VPS45: variants seen among roughly 807,000 people sequenced by gnomAD.
VPS45 encodes the protein vacuolar protein sorting-associated protein 45.
VPS45 carries 35 observed loss-of-function variants against 75.9 expected under a neutral mutation model. The observed-to-expected ratio is 0.46, with a 90% CI of 0.35 to 0.61. The LOEUF (loss-of-function observed/expected upper bound fraction) is 0.61. VPS45 is among the 20% of genes least tolerant of loss of function. The pLI is 0.00. For missense variants in VPS45, 559 were observed against 685.9 expected, an observed-to-expected ratio of 0.81 and a Z score of 2.07; for synonymous variants, 220 against 238.2, an observed-to-expected ratio of 0.92 and a Z score of 0.70.
chr1:150,088,480 TTC>T (rs1269237928), intron 10 of VPS45, among the ~76,000 whole-genome samples: 359 of 23,610 alleles, frequency 0.015, 73 homozygotes, highest in East Asian at 0.1. Flanking sequence ...TTTCCCTTTT[TTC>T]TTTTTTTTTT....
intron 13 of VPS45, among the ~76,000 whole-genome samples, chr1:150,100,445 C>T (rs937603087): frequency 6.6e-6 from 1 of 152,194 alleles, no homozygotes; most frequent in Non-Finnish European, 1.5e-5. Context: ...TCCTATCTAA[C>T]TACCAATGAC....
rs587737127 is a variant in VPS45, at chr1:150,077,623, A to G, written c.577-46A>G. Reference sequence around the variant, plus strand: ...AATTTCCTATTTATATCATTTCTATATGTAACTAGATGGTTGCACAAACCA... The same window carrying G: ...AATTTCCTATTTATATCATTTCTATGTGTAACTAGATGGTTGCACAAACCA... On this transcript the variant is annotated intron_variant, in intron 6 of 14. Coordinates refer to ENST00000644510, the MANE Select transcript of VPS45 (RefSeq NM_007259.5). The G allele has an allele frequency of 6.4e-5, 82 of 1,279,642 alleles. No individual in the cohort carries two copies. In the South Asian group the frequency reaches 9.2e-4, roughly 14 times the overall value. The allele number at this position is 1,279,642 out of a possible 1,614,324, so 79.3% of individuals were successfully genotyped here. A position where few individuals can be genotyped will look rare whatever the true frequency, so the allele number is the denominator to read the frequency against.
chr1:150,077,905 T>C, intron 7 of VPS45, 126 bp downstream of exon 7: 5 of 766,494 alleles, frequency 6.5e-6, no homozygotes, highest in Non-Finnish European at 1.1e-5. Context: ...TTGGTTTTGC[T>C]TTGTATTTCC....
chr1:150,139,380 A>C (rs1353969154), intron 14 of VPS45, among the ~76,000 whole-genome samples: 1 of 151,980 alleles, frequency 6.6e-6, no homozygotes, highest in African/African-American at 2.4e-5. Context: ...ATCCCTTTGC[A>C]CTTGCTCTTT....
At chr1:150,081,742 C>T (rs1553799432) in intron 8 of VPS45, 142 bp from the exon 9 acceptor site, 1 of 650,988 alleles carries the variant, frequency 1.5e-6, no homozygotes, top group Non-Finnish European at 2.7e-6. Context: ...TCAACAGTGT[C>T]CCAGCTAATG....
chr1:150,081,447 T>C lies in VPS45; in HGVS notation c.793T>C (p.Ser265Pro). The C allele has an allele frequency of 6.2e-7, 1 of 1,600,056 alleles. No individual in the cohort carries two copies. The highest frequency in any genetic ancestry group is 8.5e-7 in the Non-Finnish European group (1 of 1,176,654). Residue 265 changes from serine to proline, a missense_variant, in exon 8 of 15, where the codon TCT becomes CCT. By Grantham distance (74) the Ser-to-Pro change is moderately conservative. Coordinates refer to ENST00000644510, the MANE Select transcript of VPS45 (RefSeq NM_007259.5). Reference protein sequence around the residue: ...ISKDLREVVLSAENDEFYANN... With the variant: ...ISKDLREVVLPAENDEFYANN... ...TAAAGACTTAAGAGAAGTGGTCCTA[T>C]CTGCTGAAAATGATGAATTCTATGC...
intron 13 of VPS45, among the ~76,000 whole-genome samples, chr1:150,098,559 A>C (rs57761276): frequency 0.022 from 3,280 of 152,288 alleles, 98 homozygotes; most frequent in African/African-American, 0.074. Context: ...CTGTATTATC[A>C]TATTGAAAAG....
intron 14 of VPS45, among the ~76,000 whole-genome samples, chr1:150,111,934 G>A (rs1657671593): frequency 6.6e-6 from 1 of 152,124 alleles, no homozygotes; most frequent in Middle Eastern, 3.4e-3. Context: ...TGATGTAAAC[G>A]TCTTCTAGTG....
chr1:150,121,750 C>CA (rs1308051685), intron 14 of VPS45, among the ~76,000 whole-genome samples: 4 of 152,078 alleles, frequency 2.6e-5, no homozygotes, highest in Non-Finnish European at 5.9e-5. Context: ...AATGTAAAGC[C>CA]AATAGTTGGT....
At chr1:150,074,866 A>T (rs1553797708) in intron 3 of VPS45, among the ~76,000 whole-genome samples, 1 of 151,976 alleles carries the variant, frequency 6.6e-6, no homozygotes, top group East Asian at 1.9e-4. Context: ...GTATTTCAGT[A>T]GGCATCTCTA....
intron 14 of VPS45, among the ~76,000 whole-genome samples, chr1:150,119,623 CCATGTCTTA>C (rs1419034525): frequency 6.6e-6 from 1 of 152,084 alleles, no homozygotes; most frequent in African/African-American, 2.4e-5. Context: ...GTATGGTTGG[CCATGTCTTA>C]CATGTCTTAC....
upstream of VPS45, chr1:150,067,677 G>T (rs1158117629): frequency 7.1e-6 from 4 of 566,472 alleles, no homozygotes; most frequent in East Asian, 9.1e-5. Context: ...CATCCCCGGG[G>T]TAGGCTTGGT....
chr1:150,101,990 A>T (rs1258559167), intron 13 of VPS45, among the ~76,000 whole-genome samples: 6 of 152,006 alleles, frequency 3.9e-5, no homozygotes, highest in Admixed American at 3.9e-4. Context: ...TAATCCCAGC[A>T]CTTTGGGAGG....
chr1:150,092,873 G>A (rs1249056136), intron 12 of VPS45, among the ~76,000 whole-genome samples: 3 of 106,368 alleles, frequency 2.8e-5, no homozygotes, highest in East Asian at 3.2e-4. Context: ...ACGGAGTCTC[G>A]CTCTGTCTCC....
In VPS45 at chr1:150,081,493, T is replaced by C; in HGVS notation, c.822+17T>C. On this transcript the variant is annotated intron_variant, in intron 8 of 14. Transcript: ENST00000644510. ...TATGCTAATGTAGGTGGTTTAAATT[T>C]TTTTAAATTGTCTTTAGTTGTTTTT... 1 of 1,593,188 alleles carries C rather than the reference T, an allele frequency of 6.3e-7. No homozygotes were observed. Among genetic ancestry groups the C allele is most frequent in the Non-Finnish European group, 8.5e-7 (1 of 1,174,934 alleles).
intron 9 of VPS45, 142 bp from the exon 10 acceptor site, chr1:150,082,574 C>T: frequency 2.1e-6 from 2 of 949,760 alleles, no homozygotes; most frequent in Non-Finnish European, 3.1e-6. Flanking sequence ...TTAAGCATAA[C>T]AAAATGCCAT....
intron 14 of VPS45, among the ~76,000 whole-genome samples, chr1:150,138,732 C>A (rs1197905162): frequency 2.0e-5 from 3 of 152,164 alleles, no homozygotes; most frequent in Non-Finnish European, 2.9e-5. Context: ...ACTTCTCCCC[C>A]AAACTCTGGA....
At chr1:150,117,149 C>T (rs1181072072) in intron 14 of VPS45, among the ~76,000 whole-genome samples, 1 of 150,930 alleles carries the variant, frequency 6.6e-6, no homozygotes, top group East Asian at 1.9e-4. Context: ...TGCAGTGAGC[C>T]GAGACTGTGC....
At chr1:150,093,745 C>T in intron 13 of VPS45, 97 bp downstream of exon 13, 1 of 1,398,436 alleles carries the variant, frequency 7.2e-7, no homozygotes. Context: ...TTATAGCATT[C>T]TGCTGCTCCT....
Sources: allele counts gnomAD v4.1 joint callset (sites outside exome capture counted in the v4.1 genomes callset), GRCh38; gene constraint gnomAD v4.1.1; transcripts MANE v1.5; gene names NCBI Gene and HGNC (gene_info 2026-07-23, HGNC 2026-07-21).